Variants in TGFBR2 observed in about 807,000 individuals in gnomAD.
The protein encoded by TGFBR2 is transforming growth factor beta receptor 2.
TGFBR2 carries 18 observed loss-of-function variants against 49.0 expected under a neutral mutation model. The ratio of observed to expected loss-of-function variants is 0.37; its 90% CI spans 0.25 to 0.54. The LOEUF is 0.54. Among genes scored for constraint, TGFBR2 ranks in the 20% least tolerant of loss-of-function variants. The probability of loss-of-function intolerance (pLI) is 0.85; values close to 1 mark genes in which losing one functional copy is unlikely to be tolerated. For missense variants in TGFBR2, 525 were observed against 722.6 expected, an observed-to-expected ratio of 0.73 and a Z score of 3.13; for synonymous variants, 282 against 275.9, an observed-to-expected ratio of 1.02 and a Z score of -0.22.
At chr3:30,631,946 A>G (rs1334648837) in intron 1 of TGFBR2, among the ~76,000 whole-genome samples, 1 of 152,098 alleles carries the variant, frequency 6.6e-6, no homozygotes, top group Non-Finnish European at 1.5e-5. Flanking sequence ...TCATATAGCA[A>G]TGTTTTATAA....
chr3:30,680,001 C>T (rs1229054285), intron 5 of TGFBR2, among the ~76,000 whole-genome samples: 2 of 152,194 alleles, frequency 1.3e-5, no homozygotes, highest in Non-Finnish European at 2.9e-5. Context: ...TGGCGGGTGC[C>T]TGTAATCGCA....
intron 1 of TGFBR2, among the ~76,000 whole-genome samples, chr3:30,610,841 T>C (rs2125442956): frequency 6.6e-6 from 1 of 152,340 alleles, no homozygotes; most frequent in Non-Finnish European, 1.5e-5. Flanking sequence ...TTGACTCTGC[T>C]GCTTCACATC....
intron 2 of TGFBR2, among the ~76,000 whole-genome samples, chr3:30,645,443 C>A (rs1675978814): frequency 1.3e-5 from 2 of 151,198 alleles, no homozygotes; most frequent in East Asian, 3.9e-4. Flanking sequence ...TTCATATAAC[C>A]ATTGGGATAG....
At position 30,692,382 on chromosome 3, in the gene TGFBR2, T is replaced by A. The variant is rs1371449572; in HGVS notation, c.*783T>A. 3.0e-5 allele frequency: 7 copies of A among 230,516 alleles called. No homozygotes were observed. Among genetic ancestry groups the A allele is most frequent in the Admixed American group, 5.7e-5 (1 of 17,670 alleles). 14.3% of individuals were successfully genotyped at this position (230,516 alleles called of 1,614,324 possible). On this transcript the variant is annotated 3_prime_UTR_variant, in exon 7 of 7. Coordinates refer to ENST00000295754, the MANE Select transcript of TGFBR2 (RefSeq NM_003242.6). ...TTTAGAAACTCTACCCCATCTTTAA[T>A]ACCTTGAATGTTTTGAACCCCACTT...
At chr3:30,665,377 C>G (rs1263701824) in intron 3 of TGFBR2, among the ~76,000 whole-genome samples, 2 of 152,166 alleles carry the variant, frequency 1.3e-5, no homozygotes, top group East Asian at 3.8e-4. Context: ...TCAGTATCCT[C>G]CTCTGTAAAA....
At position 30,631,768 on chromosome 3, in the gene TGFBR2, C is replaced by G. The variant is rs147462188; in HGVS notation, c.95-12979C>G. ...TGTCATTTTTCAAAATGAAAGGGACCTTTAAGTTCATCATGTCCAACCCAT... is the reference window on the plus strand; with the variant it reads ...TGTCATTTTTCAAAATGAAAGGGACGTTTAAGTTCATCATGTCCAACCCAT... On this transcript the variant is annotated intron_variant, in intron 1 of 6. Transcript: ENST00000295754. 2.6e-5 allele frequency among the ~76,000 whole-genome samples: 4 copies of G among 151,806 alleles called. No homozygotes were observed. The East Asian group carries it at 7.8e-4, about 30-fold the overall frequency.
chr3:30,612,844 T>C (rs1312960039), intron 1 of TGFBR2, among the ~76,000 whole-genome samples: 1 of 152,136 alleles, frequency 6.6e-6, no homozygotes, highest in African/African-American at 2.4e-5. Flanking sequence ...ATTTGAAAAC[T>C]TATAGGAGGT....
rs1698859852 is a variant in TGFBR2, at chr3:30,650,416, C to A, written c.410C>A (p.Ser137Tyr). 6.2e-7 allele frequency: 1 copy of A among 1,613,758 alleles called. No homozygotes were observed. Among genetic ancestry groups the A allele is most frequent in the Non-Finnish European group, 8.5e-7 (1 of 1,179,920 alleles). Reference sequence around the variant, plus strand: ...CCTGGTGAGACTTTCTTCATGTGTTCCTGTAGCTCTGATGAGTGCAATGAC... The same window carrying A: ...CCTGGTGAGACTTTCTTCATGTGTTACTGTAGCTCTGATGAGTGCAATGAC... The part of the protein sequence containing the change: ...KKPGETFFMC[S>Y]CSSDECNDNI... Residue 137 changes from serine (S) to tyrosine (Y), a missense_variant, in exon 3 of 7, where the codon TCC (serine) becomes TAC (tyrosine). By Grantham distance (144) the Ser-to-Tyr change is moderately radical. This residue lies in a region of TGFBR2 where 376 missense variants were observed against 478.2 expected (regional missense o/e 0.79). Coordinates refer to ENST00000295754, the MANE Select transcript of TGFBR2 (RefSeq NM_003242.6).
chr3:30,607,863 TTAA>T (rs1697959139), intron 1 of TGFBR2, among the ~76,000 whole-genome samples: 1 of 144,174 alleles, frequency 6.9e-6, no homozygotes, highest in Admixed American at 7.0e-5. Flanking sequence ...ATATATAATA[TTAA>T]TATATATATG....
At chr3:30,691,039 A>T (rs11466529) in intron 6 of TGFBR2, among the ~76,000 whole-genome samples, 2 of 152,134 alleles carry the variant, frequency 1.3e-5, no homozygotes, top group African/African-American at 4.8e-5. Flanking sequence ...CTGTGAAGCG[A>T]GAACTTCTCT....
At chr3:30,670,439 A>G (rs1699317642) in intron 3 of TGFBR2, among the ~76,000 whole-genome samples, 2 of 152,216 alleles carry the variant, frequency 1.3e-5, no homozygotes, top group African/African-American at 4.8e-5. Context: ...TGATTCTAGG[A>G]TCTGAGCATG....
At chr3:30,644,953 C>T (rs1160893491) in intron 2 of TGFBR2, 38 bp downstream of exon 2, 1 of 1,579,540 alleles carries the variant, frequency 6.3e-7, no homozygotes, top group South Asian at 1.1e-5. Context: ...TTTCTTTTCC[C>T]CTTTTTACAT....
intron 1 of TGFBR2, among the ~76,000 whole-genome samples, chr3:30,609,501 A>C (rs982193296): frequency 3.3e-5 from 5 of 152,198 alleles, no homozygotes; most frequent in African/African-American, 1.2e-4. Flanking sequence ...GATTTAAATA[A>C]AAGAACAAAT....
chr3:30,636,125 T>C (rs1698523708), intron 1 of TGFBR2, among the ~76,000 whole-genome samples: 2 of 150,522 alleles, frequency 1.3e-5, no homozygotes. Flanking sequence ...GGCCAGATGG[T>C]AGGTAGTTTC....
chr3:30,638,662 T>C (rs1052219306), intron 1 of TGFBR2, among the ~76,000 whole-genome samples: 1 of 152,270 alleles, frequency 6.6e-6, no homozygotes, highest in African/African-American at 2.4e-5. Flanking sequence ...AAAATGTTCC[T>C]ATCTTTGGTT....
intron 5 of TGFBR2, among the ~76,000 whole-genome samples, chr3:30,682,461 T>G (rs1013990242): frequency 2.4e-4 from 36 of 152,316 alleles, no homozygotes; most frequent in African/African-American, 8.4e-4. Context: ...TGTTATAGGT[T>G]AGCCAGGTGT....
chr3:30,636,371 C>T (rs1698532199), intron 1 of TGFBR2, among the ~76,000 whole-genome samples: 1 of 152,026 alleles, frequency 6.6e-6, no homozygotes, highest in African/African-American at 2.4e-5. Context: ...AAAATTGATG[C>T]TTTTGAGCTT....
chr3:30,673,113 A>G (rs764134688), intron 4 of TGFBR2, among the ~76,000 whole-genome samples: 1 of 152,234 alleles, frequency 6.6e-6, no homozygotes, highest in Admixed American at 6.5e-5. Context: ...TTCTTTAGCC[A>G]GGTGGCAGGA....
At chr3:30,652,250 TTTTTGACGGAGTCTCAC>T (rs1316809321) in intron 3 of TGFBR2, among the ~76,000 whole-genome samples, 4 of 148,252 alleles carry the variant, frequency 2.7e-5, no homozygotes, top group African/African-American at 5.0e-5. Context: ...TTTTTTTTTT[TTTTTGACGGAGTCTCAC>T]TCTGTCGCCC....
Sources: allele counts gnomAD v4.1 joint callset (sites outside exome capture counted in the v4.1 genomes callset), GRCh38; gene constraint gnomAD v4.1.1; regional missense constraint gnomAD v4.1.1; transcripts MANE v1.5; gene names NCBI Gene and HGNC (gene_info 2026-07-23, HGNC 2026-07-21).